KMT2C: variants seen among roughly 807,000 people sequenced by gnomAD.
KMT2C encodes the protein lysine methyltransferase 2C, also known as histone-lysine N-methyltransferase 2C.
KMT2C carries 88 observed loss-of-function variants against 507.9 expected under a neutral mutation model. The ratio of observed to expected loss-of-function variants is 0.17; its 90% CI spans 0.15 to 0.21. The LOEUF is 0.21. Among genes scored for constraint, KMT2C ranks in the 10% least tolerant of loss-of-function variants. The probability of loss-of-function intolerance (pLI) is 1.00; values close to 1 mark genes in which losing one functional copy is unlikely to be tolerated. For missense variants in KMT2C, 4,954 were observed against 5,957.8 expected (o/e 0.83, Z 5.55); for synonymous variants, 2,049 against 2,080.8 (o/e 0.98, Z 0.42).
intron 26 of KMT2C, among the ~76,000 whole-genome samples, chr7:152,201,592 C>T (rs1413411566): frequency 8.1e-6 from 1 of 124,220 alleles, no homozygotes; most frequent in African/African-American, 3.2e-5. Flanking sequence ...TAAAGGGAAT[C>T]CCAGGAGAAA....
At chr7:152,298,857 C>T (rs960719861) in intron 6 of KMT2C, among the ~76,000 whole-genome samples, 2 of 152,042 alleles carry the variant, frequency 1.3e-5, no homozygotes, top group African/African-American at 4.8e-5. Context: ...GCACAAAGTG[C>T]ACGAGGGAGG....
At chr7:152,258,618 G>A (rs1421929656) in intron 9 of KMT2C, among the ~76,000 whole-genome samples, 2 of 151,900 alleles carry the variant, frequency 1.3e-5, no homozygotes, top group Admixed American at 6.6e-5. Flanking sequence ...TCTGCCTCCC[G>A]GGTTCAAGCA....
At chr7:152,421,114 A>ATATG in intron 1 of KMT2C, among the ~76,000 whole-genome samples, 1 of 152,328 alleles carries the variant, frequency 6.6e-6, no homozygotes, top group East Asian at 1.9e-4. Flanking sequence ...AAAAGAAGAC[A>ATATG]TATGTGGCCA....
intron 38 of KMT2C, 129 bp downstream of exon 38, chr7:152,176,062 C>T: frequency 9.8e-7 from 1 of 1,016,266 alleles, no homozygotes; most frequent in Non-Finnish European, 1.4e-6. Context: ...CAAACAAACT[C>T]CTCAAGGAGG....
chr7:152,248,565 A>G lies in KMT2C; in HGVS notation c.1869T>C (p.Val623=). 3 of 1,613,816 alleles carry G rather than the reference A, an allele frequency of 1.9e-6. No individual in the cohort carries two copies. The highest frequency in any genetic ancestry group is 2.5e-6 in the Non-Finnish European group (3 of 1,179,796). The change falls in exon 14 of 59, where the codon GTT becomes GTC. Residue 623 remains valine, a synonymous_variant. Coordinates refer to ENST00000262189, the MANE Select transcript of KMT2C (RefSeq NM_170606.3). ...TELEKQISNE[V]DSEDLKMSSE... ...AAGACATTTTCAGGTCTTCACTATC[A>G]ACTTCATTAGAAATCTGTTTTTCCA...
At chr7:152,158,137 C>T (rs982152850) in intron 44 of KMT2C, among the ~76,000 whole-genome samples, 1 of 152,194 alleles carries the variant, frequency 6.6e-6, no homozygotes, top group Non-Finnish European at 1.5e-5. Flanking sequence ...TGCCAGGCAT[C>T]TAACAAGAAA....
chr7:152,219,349 G>A (rs1187229907), intron 23 of KMT2C, among the ~76,000 whole-genome samples: 1 of 151,808 alleles, frequency 6.6e-6, no homozygotes, highest in Non-Finnish European at 1.5e-5. Context: ...TTAAGAGTTG[G>A]GTTACCTAAC....
intron 1 of KMT2C, among the ~76,000 whole-genome samples, chr7:152,433,526 G>T (rs1017734345): frequency 6.6e-6 from 1 of 151,908 alleles, no homozygotes; most frequent in Non-Finnish European, 1.5e-5. Context: ...CAAAAAAAAC[G>T]CTCTAAAAAG....
chr7:152,418,488 T>C (rs1466857261), intron 1 of KMT2C, among the ~76,000 whole-genome samples: 2 of 152,044 alleles, frequency 1.3e-5, no homozygotes, highest in African/African-American at 2.4e-5. Flanking sequence ...TGGAGTGCAA[T>C]GGTGTGGTCT....
At chr7:152,433,577 TAAAG>T (rs2116806699) in intron 1 of KMT2C, among the ~76,000 whole-genome samples, 1 of 152,334 alleles carries the variant, frequency 6.6e-6, no homozygotes, top group South Asian at 2.1e-4. Context: ...TAATTTCCTA[TAAAG>T]AAAGCAGTAC....
chr7:152,385,611 C>CAA lies in KMT2C; in HGVS notation c.162-26938_162-26937dup, dbSNP rs1160527130. On this transcript the variant is annotated intron_variant, in intron 1 of 58. Coordinates refer to ENST00000262189, the MANE Select transcript of KMT2C (RefSeq NM_170606.3). The stretch of plus-strand genomic sequence containing the variant: ...TGGGCGACAGAGCGAGACTCCGTCT[C>CAA]AAAAAAAAAAAAAAAAAAAAAAAAA... 5.3e-3 allele frequency among the ~76,000 whole-genome samples: 103 copies of CAA among 19,444 alleles called. 28 individuals carry two copies. Among genetic ancestry groups the CAA allele is most frequent in the Non-Finnish European group, 6.2e-3 (86 of 13,910 alleles). 12.8% of individuals were successfully genotyped at this position (19,444 alleles called of 152,430 possible).
intron 38 of KMT2C, among the ~76,000 whole-genome samples, chr7:152,174,612 CA>C (rs2093114057): frequency 6.6e-6 from 1 of 152,080 alleles, no homozygotes; most frequent in Non-Finnish European, 1.5e-5. Flanking sequence ...AATTAGTTAT[CA>C]CTCTTAAAAG....
intron 9 of KMT2C, among the ~76,000 whole-genome samples, chr7:152,255,484 G>A (rs1255145338): frequency 6.6e-6 from 1 of 151,932 alleles, no homozygotes; most frequent in African/African-American, 2.4e-5. Flanking sequence ...AATTAAATGT[G>A]ATTCCAATAA....
At position 152,237,646 on chromosome 7, in the gene KMT2C, T is replaced by C. The variant is rs1588479417; in HGVS notation, c.2652+1061A>G. On this transcript the variant is annotated intron_variant, in intron 15 of 58. Transcript: ENST00000262189. ...CCTAGCAGCTGGGATTACAGGCACATGCCACCACACCCGGCTAAATTTCTT... is the reference window on the plus strand; with the variant it reads ...CCTAGCAGCTGGGATTACAGGCACACGCCACCACACCCGGCTAAATTTCTT... 2.6e-5 allele frequency among the ~76,000 whole-genome samples: 4 copies of C among 152,116 alleles called. No homozygotes were observed. In the South Asian group the frequency reaches 8.3e-4, roughly 32 times the overall value.
rs1372618346 is a variant in KMT2C, at chr7:152,214,608, T to C, written c.3712+5915A>G. Reference sequence around the variant, plus strand: ...TGATGACAATGAGGACTTTATACAATGGAATAGTTAGCTTTAAGAAAGGAG... The same window carrying C: ...TGATGACAATGAGGACTTTATACAACGGAATAGTTAGCTTTAAGAAAGGAG... On this transcript the variant is annotated intron_variant, in intron 23 of 58. Coordinates refer to ENST00000262189, the MANE Select transcript of KMT2C (RefSeq NM_170606.3). Among the ~76,000 whole-genome samples, 6 of 152,170 alleles carry C rather than the reference T, an allele frequency of 3.9e-5. No homozygotes were observed. In the South Asian group the frequency reaches 6.2e-4, roughly 16 times the overall value.
chr7:152,235,720 T>A (rs1262258351), intron 16 of KMT2C, 97 bp downstream of exon 16: 81 of 914,988 alleles, frequency 8.9e-5, no homozygotes, highest in African/African-American at 4.1e-4. Context: ...CATTTTGACC[T>A]ATTTATATGA....
chr7:152,228,516 C>T (rs2095003580), intron 18 of KMT2C, among the ~76,000 whole-genome samples: 1 of 152,172 alleles, frequency 6.6e-6, no homozygotes, highest in Non-Finnish European at 1.5e-5. Flanking sequence ...CAAAAGGAAC[C>T]ATACATAATT....
Position 152,238,794 on chromosome 7 carries a change from T to C in KMT2C, c.2565A>G (p.Pro855=), listed in dbSNP as rs199600667. 9 of 1,609,078 alleles carry C rather than the reference T, an allele frequency of 5.6e-6. No homozygotes were observed. The East Asian group carries it at 1.6e-4, about 28-fold the overall frequency. ...CTGAAATGTCTGGGGACCAGGAAGGTGGGCTCACTGTATTATGGGTACTCC... is the reference window on the plus strand; with the variant it reads ...CTGAAATGTCTGGGGACCAGGAAGGCGGGCTCACTGTATTATGGGTACTCC... ...GAWSTHNTVS[P]PSWSPDISEG... is the part of the protein sequence containing the mutation. Residue 855 remains proline, a synonymous_variant, in exon 15 of 59, where the codon CCA becomes CCG. Coordinates refer to ENST00000262189, the MANE Select transcript of KMT2C (RefSeq NM_170606.3).
intron 6 of KMT2C, among the ~76,000 whole-genome samples, chr7:152,286,795 T>C (rs992659798): frequency 6.6e-6 from 1 of 152,166 alleles, no homozygotes; most frequent in African/African-American, 2.4e-5. Context: ...TTCTGACTCA[T>C]ATATACAAGA....
Sources: allele counts gnomAD v4.1 joint callset (sites outside exome capture counted in the v4.1 genomes callset), GRCh38; gene constraint gnomAD v4.1.1; transcripts MANE v1.5; gene names NCBI Gene and HGNC (gene_info 2026-07-23, HGNC 2026-07-21).